Variants in SERPINI1 observed in about 807,000 individuals in gnomAD.
The protein encoded by SERPINI1 is serpin family I member 1.
SERPINI1 carries 19 observed loss-of-function variants against 41.1 expected under a neutral mutation model. The observed-to-expected ratio is 0.46, with a 90% CI of 0.32 to 0.68. SERPINI1 has a LOEUF of 0.68. Ranked by LOEUF, SERPINI1 falls within the 30% of genes least tolerant of loss-of-function variation. SERPINI1 has a pLI of 0.03. For missense variants in SERPINI1, 460 were observed against 479.2 expected (o/e 0.96, Z 0.37); for synonymous variants, 138 against 156.6 (o/e 0.88, Z 0.89).
intron 1 of SERPINI1, among the ~76,000 whole-genome samples, chr3:167,737,902 C>G (rs970101407): frequency 1.1e-4 from 16 of 151,824 alleles, no homozygotes; most frequent in Non-Finnish European, 2.1e-4. Context: ...TCACCTGTTT[C>G]CAAGATTTGG....
At chr3:167,824,271 GT>G (rs1329447492) in intron 7 of SERPINI1, among the ~76,000 whole-genome samples, 2 of 152,076 alleles carry the variant, frequency 1.3e-5, no homozygotes, top group Non-Finnish European at 2.9e-5. Context: ...GTGTGTGTTT[GT>G]TTTGTTTCGT....
chr3:167,761,702 A>G (rs1204974247), intron 1 of SERPINI1, among the ~76,000 whole-genome samples: 1 of 152,190 alleles, frequency 6.6e-6, no homozygotes, highest in Non-Finnish European at 1.5e-5. Context: ...CGTAGTTATG[A>G]CCCTTCTAAT....
chr3:167,744,648 AT>A (rs1366711849), intron 1 of SERPINI1, among the ~76,000 whole-genome samples: 18 of 130,558 alleles, frequency 1.4e-4, no homozygotes, highest in South Asian at 4.4e-4. Flanking sequence ...TTATATATAA[AT>A]ATATATAAAT....
chr3:167,802,278 G>C (rs1727925578), intron 5 of SERPINI1, among the ~76,000 whole-genome samples: 2 of 151,848 alleles, frequency 1.3e-5, no homozygotes, highest in African/African-American at 4.8e-5. Context: ...TGACAAATGG[G>C]ATCTAATTAA....
chr3:167,754,799 C>T (rs1436218249), intron 1 of SERPINI1, among the ~76,000 whole-genome samples: 1 of 152,216 alleles, frequency 6.6e-6, no homozygotes, highest in African/African-American at 2.4e-5. Flanking sequence ...AGTTCTCAAT[C>T]TTTGCTGGTC....
At chr3:167,758,589 A>G (rs922584066) in intron 1 of SERPINI1, among the ~76,000 whole-genome samples, 5 of 152,232 alleles carry the variant, frequency 3.3e-5, no homozygotes, top group Non-Finnish European at 1.5e-5. Flanking sequence ...GATGAGTAAC[A>G]GGATATTTGT....
In SERPINI1 at chr3:167,823,019, A is replaced by T; in HGVS notation, c.1013A>T (p.His338Leu). 1 of 1,611,458 alleles carries T rather than the reference A, an allele frequency of 6.2e-7. No individual in the cohort carries two copies. The highest frequency in any genetic ancestry group is 1.1e-5 in the South Asian group (1 of 91,012). The change falls in exon 7 of 9, where the codon CAC (histidine) becomes CTC (leucine). Residue 338 changes from histidine to leucine, a missense_variant. By Grantham distance (99) the His-to-Leu change is moderately conservative. Coordinates refer to ENST00000446050, the MANE Select transcript of SERPINI1 (RefSeq NM_001122752.2). ...GAGATTTTTCTTTCCAAAGCAATTC[A>T]CAAGTCCTTCCTAGAGGTTAATGAA... ...NKEIFLSKAI[H>L]KSFLEVNEEG...
At chr3:167,786,258 T>C (rs1435520142) in intron 1 of SERPINI1, among the ~76,000 whole-genome samples, 1 of 152,032 alleles carries the variant, frequency 6.6e-6, no homozygotes, top group African/African-American at 2.4e-5. Context: ...ATCCCAGCAC[T>C]TTGGGAGGCC....
intron 1 of SERPINI1, among the ~76,000 whole-genome samples, chr3:167,774,656 T>C (rs1726903298): frequency 6.6e-6 from 1 of 152,152 alleles, no homozygotes; most frequent in Non-Finnish European, 1.5e-5. Flanking sequence ...TAGATTCTCA[T>C]AGGAGCCTAA....
Position 167,790,484 on chromosome 3 carries a change from TGAG to T in SERPINI1, c.367_369del (p.Glu123del). The T allele has an allele frequency of 6.2e-7, 1 of 1,613,962 alleles. No homozygotes were observed. Among genetic ancestry groups the T allele is most frequent in the Non-Finnish European group, 8.5e-7 (1 of 1,179,866 alleles). Reference sequence around the variant, plus strand: ...TTGTGCAAAATGGATTTCATGTCAATGAGGAGTTTTTGCAAATGATGAAAAAAT... The same window carrying T: ...TTGTGCAAAATGGATTTCATGTCAATGAGTTTTTGCAAATGATGAAAAAAT... On this transcript the variant is annotated inframe_deletion, in exon 3 of 9. Transcript: ENST00000446050.
chr3:167,786,381 G>A (rs1428841190), intron 1 of SERPINI1, among the ~76,000 whole-genome samples: 4 of 151,852 alleles, frequency 2.6e-5, no homozygotes, highest in South Asian at 2.1e-4. Context: ...TGTGGCAGGC[G>A]CCTGTAGTCC....
chr3:167,814,233 A>G lies in SERPINI1; in HGVS notation c.979+6892A>G, dbSNP rs530033656. On this transcript the variant is annotated intron_variant, in intron 6 of 8. Transcript: ENST00000446050. ...TCTGCTTTCCTCTCATTAGGAAGGA[A>G]CTATTTAGTTCATCATAGTATACCT... Among the ~76,000 whole-genome samples, 3 of 152,310 alleles carry G rather than the reference A, an allele frequency of 2.0e-5. No individual in the cohort carries two copies. In the East Asian group the frequency reaches 5.8e-4, roughly 29 times the overall value.
At chr3:167,765,906 T>C (rs771518165) in intron 1 of SERPINI1, among the ~76,000 whole-genome samples, 2 of 151,682 alleles carry the variant, frequency 1.3e-5, no homozygotes, top group Non-Finnish European at 2.9e-5. Flanking sequence ...ATAACAAGAG[T>C]CACCTTTGCT....
At chr3:167,807,205 T>C in intron 5 of SERPINI1, 39 bp from the exon 6 acceptor site, 1 of 1,292,490 alleles carries the variant, frequency 7.7e-7, no homozygotes, top group Non-Finnish European at 1.1e-6. Flanking sequence ...GGTAACAAGA[T>C]GCTCTAACTA....
chr3:167,818,622 C>T (rs898326787), intron 6 of SERPINI1, among the ~76,000 whole-genome samples: 2 of 151,916 alleles, frequency 1.3e-5, no homozygotes, highest in Non-Finnish European at 2.9e-5. Context: ...AAATAACTAG[C>T]TCTCTGAGAA....
At chr3:167,807,519 C>T (rs1711690150) in intron 6 of SERPINI1, among the ~76,000 whole-genome samples, 178 bp downstream of exon 6, 1 of 152,118 alleles carries the variant, frequency 6.6e-6, no homozygotes, top group African/African-American at 2.4e-5. Flanking sequence ...ATAGTCTTAA[C>T]ATTAAGTTTA....
At chr3:167,739,884 T>A (rs1305871311) in intron 1 of SERPINI1, among the ~76,000 whole-genome samples, 1 of 152,208 alleles carries the variant, frequency 6.6e-6, no homozygotes, top group Non-Finnish European at 1.5e-5. Flanking sequence ...ACCTATACAA[T>A]TCTAGTTAAT....
chr3:167,807,090 G>A, intron 5 of SERPINI1, 154 bp from the exon 6 acceptor site: 1 of 621,358 alleles, frequency 1.6e-6, no homozygotes, highest in East Asian at 2.8e-5. Context: ...ATTTTTCCAT[G>A]TTCAATCAAA....
At chr3:167,810,058 T>G (rs11706323) in intron 6 of SERPINI1, among the ~76,000 whole-genome samples, 17,215 of 152,158 alleles carry the variant, frequency 0.11, 1,074 homozygotes, top group Non-Finnish European at 0.14. Context: ...CCCCATGCCA[T>G]GCACACACAC....
Sources: allele counts gnomAD v4.1 joint callset (sites outside exome capture counted in the v4.1 genomes callset), GRCh38; gene constraint gnomAD v4.1.1; transcripts MANE v1.5; gene names NCBI Gene and HGNC (gene_info 2026-07-23, HGNC 2026-07-21).